The following MAGI2 variants were observed in gnomAD, a reference collection of about 807,000 sequenced individuals.
The protein encoded by MAGI2 is membrane associated guanylate kinase, WW and PDZ domain containing 2, also known as membrane-associated guanylate kinase, WW and PDZ domain-containing protein 2.
A neutral mutation model predicts 133.3 loss-of-function variants in MAGI2; 35 were observed. The observed-to-expected ratio is 0.26, with a 90% CI of 0.20 to 0.35. The LOEUF (loss-of-function observed/expected upper bound fraction) is 0.35, where lower values mean the gene tolerates loss of function less well. Ranked by LOEUF, MAGI2 falls within the 10% of genes least tolerant of loss-of-function variation. MAGI2 has a pLI of 1.00. For synonymous variants in MAGI2, 729 were observed against 710.6 expected, an observed-to-expected ratio of 1.03 and a Z score of -0.41; for missense variants, 1,636 against 1,863.4, an observed-to-expected ratio of 0.88 and a Z score of 2.25.
chr7:79,434,466 C>CA (rs199929207), intron 1 of MAGI2, among the ~76,000 whole-genome samples: 1 of 152,010 alleles, frequency 6.6e-6, no homozygotes, highest in Non-Finnish European at 1.5e-5. Context: ...GAGTTATGAG[C>CA]AAAAATGCAT....
intron 3 of MAGI2, among the ~76,000 whole-genome samples, chr7:78,545,712 C>T (rs1013322995): frequency 6.6e-5 from 10 of 152,000 alleles, no homozygotes; most frequent in Admixed American, 2.0e-4. Flanking sequence ...TGAAATACTC[C>T]GGCTAATTTT....
intron 1 of MAGI2, among the ~76,000 whole-genome samples, chr7:79,214,345 T>C (rs1264250214): frequency 1.5e-5 from 2 of 133,182 alleles, no homozygotes; most frequent in Non-Finnish European, 3.1e-5. Context: ...GGACATGTCA[T>C]TTCTGCATTA....
Position 78,587,380 on chromosome 7 carries a change from C to G in MAGI2, c.538+39740G>C, listed in dbSNP as rs10242340. Among the ~76,000 whole-genome samples the G allele has an allele frequency of 9.1e-3, 1,386 of 152,232 alleles. 13 individuals are homozygous for G. The highest frequency in any genetic ancestry group is 0.032 in the African/African-American group (1,338 of 41,528). Reference sequence around the variant, plus strand: ...GAAGCTACCAAAGAATCACAGAGCACTTACAGCTATTTGTTGTTTGCAAAT... The same window carrying G: ...GAAGCTACCAAAGAATCACAGAGCAGTTACAGCTATTTGTTGTTTGCAAAT... On this transcript the variant is annotated intron_variant, in intron 3 of 21. Coordinates refer to ENST00000354212, the MANE Select transcript of MAGI2 (RefSeq NM_012301.4).
At chr7:78,714,508 T>C (rs1175037590) in intron 2 of MAGI2, among the ~76,000 whole-genome samples, 2 of 152,188 alleles carry the variant, frequency 1.3e-5, no homozygotes, top group African/African-American at 2.4e-5. Flanking sequence ...ACTTAAGCTC[T>C]TCACATATAG....
At chr7:78,214,139 T>C (rs1788037207) in intron 10 of MAGI2, among the ~76,000 whole-genome samples, 2 of 152,350 alleles carry the variant, frequency 1.3e-5, no homozygotes, top group South Asian at 4.1e-4. Flanking sequence ...GCTGAGGTAA[T>C]CCGAAGCCCA....
At chr7:78,222,742 C>A (rs548834959) in intron 10 of MAGI2, among the ~76,000 whole-genome samples, 1 of 152,168 alleles carries the variant, frequency 6.6e-6, no homozygotes, top group Non-Finnish European at 1.5e-5. Flanking sequence ...TGCTTCTTAA[C>A]ACATAGGTCC....
intron 21 of MAGI2, among the ~76,000 whole-genome samples, chr7:78,041,490 A>G (rs911220720): frequency 2.0e-5 from 3 of 152,132 alleles, no homozygotes; most frequent in Non-Finnish European, 2.9e-5. Context: ...ACCCTGGGCA[A>G]CATAGCAAGA....
chr7:79,088,918 G>T (rs1310076468), intron 1 of MAGI2, among the ~76,000 whole-genome samples: 1 of 151,992 alleles, frequency 6.6e-6, no homozygotes, highest in African/African-American at 2.4e-5. Context: ...AACATCAAAA[G>T]CAATGGCAAC....
chr7:79,267,447 C>T (rs1208448454), intron 1 of MAGI2, among the ~76,000 whole-genome samples: 1 of 152,104 alleles, frequency 6.6e-6, no homozygotes. Context: ...AACAGCAAAA[C>T]CTAAGTGGGC....
chr7:78,168,264 T>A (rs558068999), intron 14 of MAGI2, among the ~76,000 whole-genome samples, 156 bp from the exon 15 acceptor site: 1 of 152,248 alleles, frequency 6.6e-6, no homozygotes, highest in Non-Finnish European at 1.5e-5. Context: ...CACGCCATCT[T>A]TTTCCTTTTT....
At chr7:79,197,246 C>T (rs1416041900) in intron 1 of MAGI2, among the ~76,000 whole-genome samples, 4 of 151,832 alleles carry the variant, frequency 2.6e-5, no homozygotes, top group Non-Finnish European at 2.9e-5. Flanking sequence ...TTGCCAGAAA[C>T]GTGATTTTTG....
At chr7:79,133,273 T>C (rs1444987248) in intron 1 of MAGI2, among the ~76,000 whole-genome samples, 1 of 152,228 alleles carries the variant, frequency 6.6e-6, no homozygotes, top group African/African-American at 2.4e-5. Context: ...AGAATTTTTA[T>C]AGTTTCAGGT....
At chr7:78,455,033 C>CA (rs1279405335) in intron 6 of MAGI2, among the ~76,000 whole-genome samples, 1 of 152,066 alleles carries the variant, frequency 6.6e-6, no homozygotes, top group Non-Finnish European at 1.5e-5. Flanking sequence ...CTGTACAACA[C>CA]AAACAGGGAA....
intron 6 of MAGI2, among the ~76,000 whole-genome samples, chr7:78,477,776 C>A (rs67529985): frequency 0.11 from 16,047 of 151,736 alleles, 1,951 homozygotes; most frequent in East Asian, 0.38. Context: ...CCATATCAAG[C>A]ATGTAAATTA....
intron 1 of MAGI2, among the ~76,000 whole-genome samples, chr7:79,215,682 A>G (rs1028484969): frequency 1.3e-5 from 2 of 151,852 alleles, no homozygotes; most frequent in Non-Finnish European, 2.9e-5. Context: ...CTATTTCTGG[A>G]CTGAACCAAT....
intron 2 of MAGI2, among the ~76,000 whole-genome samples, chr7:78,833,902 T>C (rs1362382389): frequency 6.6e-6 from 1 of 152,196 alleles, no homozygotes; most frequent in Non-Finnish European, 1.5e-5. Context: ...GATTATGTAG[T>C]ATATAATGGT....
intron 1 of MAGI2, among the ~76,000 whole-genome samples, chr7:79,215,459 C>G (rs1244131080): frequency 6.6e-6 from 1 of 152,008 alleles, no homozygotes; most frequent in Non-Finnish European, 1.5e-5. Context: ...TCTATTCTCT[C>G]TGAAACCTTC....
At chr7:78,816,094 A>C (rs558918686) in intron 2 of MAGI2, among the ~76,000 whole-genome samples, 1 of 152,212 alleles carries the variant, frequency 6.6e-6, no homozygotes, top group Non-Finnish European at 1.5e-5. Context: ...GTGATAAGAA[A>C]GCAAAACACC....
intron 14 of MAGI2, among the ~76,000 whole-genome samples, chr7:78,173,783 C>G (rs754013412): frequency 2.0e-5 from 3 of 152,138 alleles, no homozygotes; most frequent in Non-Finnish European, 4.4e-5. Context: ...AAGACAGTAG[C>G]TTTAAAGAGT....
Sources: gnomAD v4.1 joint callset for allele counts (sites outside exome capture counted in the v4.1 genomes callset) on GRCh38, gnomAD v4.1.1 for gene constraint, MANE v1.5 for transcripts, NCBI Gene and HGNC (gene_info 2026-07-23, HGNC 2026-07-21) for gene names.